Variants in PCDHGB3 observed in about 807,000 individuals in gnomAD.
PCDHGB3 encodes the protein protocadherin gamma subfamily B, 3, also known as protocadherin gamma-B3.
Under a neutral mutation model 59.2 loss-of-function variants are expected in PCDHGB3, and 40 were observed. The observed-to-expected ratio is 0.68, with a 90% CI of 0.52 to 0.88. The LOEUF (loss-of-function observed/expected upper bound fraction) is 0.88. PCDHGB3 is among the 40% of genes least tolerant of loss of function. The pLI is 0.00. For missense variants in PCDHGB3, 1,309 were observed against 1,187.9 expected (o/e 1.10, Z -1.50); for synonymous variants, 581 against 503.6 (o/e 1.15, Z -2.06).
chr5:141,381,093 A>T (rs1776980252), intron 1 of PCDHGB3, among the ~76,000 whole-genome samples: 1 of 152,266 alleles, frequency 6.6e-6, no homozygotes, highest in Admixed American at 6.5e-5. Flanking sequence ...AGATCAAAAC[A>T]GAATGTCCTT....
At chr5:141,398,644 T>C (rs772408476) in intron 1 of PCDHGB3, 7 of 1,613,908 alleles carry the variant, frequency 4.3e-6, no homozygotes, top group Non-Finnish European at 5.9e-6. Context: ...GTATAAACTC[T>C]CTCTTAACCC....
In PCDHGB3 at chr5:141,378,672, A is replaced by T. The variant is rs367846333; in HGVS notation, c.2415+5863A>T. ...GTTAATGAGGTTCAAATAAAAATTTAAATATTTTAGCATTTTAACCCAGAC... is the reference window on the plus strand; with the variant it reads ...GTTAATGAGGTTCAAATAAAAATTTTAATATTTTAGCATTTTAACCCAGAC... On this transcript the variant is annotated intron_variant, in intron 1 of 3. Coordinates refer to ENST00000576222, the MANE Select transcript of PCDHGB3 (RefSeq NM_018924.5). The T allele has an allele frequency of 1.8e-4, 28 of 152,392 alleles. 3 individuals are homozygous for T. Among genetic ancestry groups the T allele is most frequent in the Admixed American group, 1.5e-3 (23 of 15,312 alleles). 9.4% of individuals were successfully genotyped at this position (152,392 alleles called of 1,614,324 possible). A position where few individuals can be genotyped will look rare whatever the true frequency, so the allele number is the denominator to read the frequency against.
chr5:141,403,960 G>C (rs775638627), intron 1 of PCDHGB3: 2 of 1,613,658 alleles, frequency 1.2e-6, no homozygotes, highest in African/African-American at 1.3e-5. Flanking sequence ...TGCTCATTTC[G>C]GTGGAAGATG....
intron 1 of PCDHGB3, chr5:141,427,758 A>T: frequency 7.4e-7 from 1 of 1,345,378 alleles, no homozygotes; most frequent in Non-Finnish European, 1.1e-6. Context: ...CATCGTTACC[A>T]CTGACTTGGA....
Position 141,503,868 on chromosome 5 carries a change from G to A in PCDHGB3, c.2475-1525G>A, listed in dbSNP as rs928240898. Among the ~76,000 whole-genome samples, 24 of 152,202 alleles carry A rather than the reference G, an allele frequency of 1.6e-4. No individual in the cohort carries two copies. The South Asian group carries it at 4.1e-3, about 26-fold the overall frequency. ...TTGGAAAAATTGTAAAGCAGTTCTT[G>A]GTTGTGCTCACCCACCATGACAAAA... On this transcript the variant is annotated intron_variant, in intron 2 of 3. Coordinates refer to ENST00000576222, the MANE Select transcript of PCDHGB3 (RefSeq NM_018924.5).
rs149319740 is a variant in PCDHGB3, at chr5:141,378,591, G to A, written c.2415+5782G>A. The stretch of plus-strand genomic sequence containing the variant: ...TTTTAAAACATGCTCGGTAGTGTCT[G>A]CTTACAGGACATATCTCTAAAAATA... On this transcript the variant is annotated intron_variant, in intron 1 of 3. Transcript: ENST00000576222. 4.1e-4 allele frequency: 63 copies of A among 152,298 alleles called. 1 individual carries two copies. Among genetic ancestry groups the A allele is most frequent in the African/African-American group, 1.4e-3 (60 of 41,574 alleles). The allele number at this position is 152,298 out of a possible 1,614,324, so 9.4% of individuals were successfully genotyped here.
intron 1 of PCDHGB3, chr5:141,384,570 C>T (rs1344812982): frequency 6.2e-7 from 1 of 1,614,240 alleles, no homozygotes; most frequent in South Asian, 1.1e-5. Context: ...ACCAGAATGA[C>T]AACCCGCCCG....
chr5:141,413,559 T>A, intron 1 of PCDHGB3: 1 of 1,613,862 alleles, frequency 6.2e-7, no homozygotes. Flanking sequence ...TAGAAGTAAC[T>A]GATATCAATG....
chr5:141,462,782 T>C (rs1397671639), intron 1 of PCDHGB3, among the ~76,000 whole-genome samples: 1 of 152,220 alleles, frequency 6.6e-6, no homozygotes, highest in Non-Finnish European at 1.5e-5. Flanking sequence ...TCATAATTTG[T>C]TGCTTATTTG....
Position 141,490,876 on chromosome 5 carries a change from G to T in PCDHGB3, c.2416-3931G>T. On this transcript the variant is annotated intron_variant, in intron 1 of 3. Coordinates refer to ENST00000576222, the MANE Select transcript of PCDHGB3 (RefSeq NM_018924.5). The surrounding 1 kb of genome is among the most constrained non-coding windows in gnomAD (Gnocchi z 5.4). Reference sequence around the variant, plus strand: ...AGACTCCGGCTCTCCCCCATTGCATGCCAACACATCTCTGCATGTGTTTGT... The same window carrying T: ...AGACTCCGGCTCTCCCCCATTGCATTCCAACACATCTCTGCATGTGTTTGT... 6.2e-7 allele frequency: 1 copy of T among 1,613,840 alleles called. No homozygotes were observed. The highest frequency in any genetic ancestry group is 8.5e-7 in the Non-Finnish European group (1 of 1,179,894).
chr5:141,405,401 TC>T (rs1176566209), intron 1 of PCDHGB3: 1 of 1,591,534 alleles, frequency 6.3e-7, no homozygotes, highest in Non-Finnish European at 8.6e-7. Flanking sequence ...TTTCTTTCTT[TC>T]TTTTCTTTTT....
Position 141,485,294 on chromosome 5 carries a change from G to A in PCDHGB3, c.2416-9513G>A, listed in dbSNP as rs2099611126. Reference sequence around the variant, plus strand: ...CTACCCGGTCCCAGAGGAGTCACAGGAAGGGACTTTTGTAGGGAATGTCGC... The same window carrying A: ...CTACCCGGTCCCAGAGGAGTCACAGAAAGGGACTTTTGTAGGGAATGTCGC... On this transcript the variant is annotated intron_variant, in intron 1 of 3. Coordinates refer to ENST00000576222, the MANE Select transcript of PCDHGB3 (RefSeq NM_018924.5). The surrounding 1 kb of genome is among the most constrained non-coding windows in gnomAD (Gnocchi z 5.7). The A allele has an allele frequency of 6.2e-7, 1 of 1,614,044 alleles. No homozygotes were observed. Among genetic ancestry groups the A allele is most frequent in the Non-Finnish European group, 8.5e-7 (1 of 1,179,988 alleles).
At chr5:141,382,816 T>G (rs1778462841) in intron 1 of PCDHGB3, 1 of 1,275,448 alleles carries the variant, frequency 7.8e-7, no homozygotes, top group Non-Finnish European at 1.1e-6. Context: ...CTCCCCTTCC[T>G]AAGACAGAGG....
intron 1 of PCDHGB3, chr5:141,478,265 G>C: frequency 1.2e-6 from 2 of 1,614,196 alleles, no homozygotes; most frequent in Non-Finnish European, 1.7e-6. Flanking sequence ...CATATTCAAA[G>C]TTTACAAGTG....
chr5:141,478,692 A>C (rs1459911657), intron 1 of PCDHGB3: 2 of 1,550,666 alleles, frequency 1.3e-6, no homozygotes, highest in African/African-American at 2.7e-5. Context: ...CCTAGATCAA[A>C]GTTAGTGCCT....
chr5:141,463,938 T>A (rs1378018670), intron 1 of PCDHGB3, among the ~76,000 whole-genome samples: 3 of 152,168 alleles, frequency 2.0e-5, no homozygotes, highest in Non-Finnish European at 4.4e-5. Context: ...TATAAATTTA[T>A]AGAAATCTTC....
At chr5:141,454,838 C>G (rs1472341694) in intron 1 of PCDHGB3, among the ~76,000 whole-genome samples, 1 of 100,816 alleles carries the variant, frequency 9.9e-6, no homozygotes, top group South Asian at 3.5e-4. Flanking sequence ...GACAGAGTCG[C>G]GCTCTGTCAC....
rs1385557537 is a variant in PCDHGB3 at position 141,415,739 on chromosome 5, GGTT to G, written c.2415+42931_2415+42933del. 2.0e-4 allele frequency: 88 copies of G among 435,112 alleles called. 2 individuals are homozygous for G. In the African/African-American group the frequency reaches 2.4e-3, roughly 12 times the overall value. 27.0% of individuals were successfully genotyped at this position (435,112 alleles called of 1,614,324 possible). A position where few individuals can be genotyped will look rare whatever the true frequency, so the allele number is the denominator to read the frequency against. On this transcript the variant is annotated intron_variant, in intron 1 of 3. Coordinates refer to ENST00000576222, the MANE Select transcript of PCDHGB3 (RefSeq NM_018924.5). ...ATGAGTAGAATTTGATGTTTATTAA[GGTT>G]TTTTTTTTTTTTTTTTTTTTTTTTT...
Position 141,475,871 on chromosome 5 carries a change from A to C in PCDHGB3, c.2416-18936A>C, listed in dbSNP as rs568810142. 35 of 513,270 alleles carry C rather than the reference A, an allele frequency of 6.8e-5. No individual in the cohort carries two copies. The East Asian group carries it at 1.1e-3, about 16-fold the overall frequency. The allele number at this position is 513,270 out of a possible 1,614,324, so 31.8% of individuals were successfully genotyped here. The stretch of plus-strand genomic sequence containing the variant: ...CCCGGCGCTAGCTCATTCTTCGTGC[A>C]GTTATTGGCTGGGACTCTGTGTGCC... On this transcript the variant is annotated intron_variant, in intron 1 of 3. Transcript: ENST00000576222.
Sources: gnomAD v4.1 joint callset for allele counts (sites outside exome capture counted in the v4.1 genomes callset) on GRCh38, gnomAD v4.1.1 for gene constraint, Gnocchi (gnomAD v3.1) non-coding constraint, MANE v1.5 for transcripts, NCBI Gene and HGNC (gene_info 2026-07-23, HGNC 2026-07-21) for gene names.